SLC25A48: variants seen among roughly 807,000 people sequenced by gnomAD.
SLC25A48 encodes the protein CTC-321K16.1.
SLC25A48 carries 29 observed loss-of-function variants against 32.2 expected under a neutral mutation model. That is an observed-to-expected ratio of 0.90 (90% CI 0.67 to 1.23). The LOEUF (loss-of-function observed/expected upper bound fraction) is 1.23. Among genes scored for constraint, SLC25A48 ranks in the 50% most tolerant of loss-of-function variants. The pLI is 0.00. For missense variants in SLC25A48, 399 were observed against 422.7 expected, an observed-to-expected ratio of 0.94 and a Z score of 0.49; for synonymous variants, 164 against 172.3, an observed-to-expected ratio of 0.95 and a Z score of 0.38.
At chr5:135,854,157 T>G (rs1760123402) in intron 4 of SLC25A48, among the ~76,000 whole-genome samples, 2 of 152,336 alleles carry the variant, frequency 1.3e-5, no homozygotes, top group Non-Finnish European at 1.5e-5. Context: ...GTTCCTTTTC[T>G]AGAACACACA....
At chr5:135,854,788 A>G (rs895337549) in intron 4 of SLC25A48, among the ~76,000 whole-genome samples, 2 of 152,216 alleles carry the variant, frequency 1.3e-5, no homozygotes, top group African/African-American at 4.8e-5. Context: ...CAACCTGGCT[A>G]ACTCTTGGGC....
intron 2 of SLC25A48, among the ~76,000 whole-genome samples, chr5:135,850,219 G>T (rs1460121311): frequency 6.6e-6 from 1 of 152,192 alleles, no homozygotes; most frequent in East Asian, 1.9e-4. Flanking sequence ...AGCAAAGCAG[G>T]CTTCTCTGCA....
chr5:135,594,217 G>C (rs1021432501), intron 1 of SLC25A48, among the ~76,000 whole-genome samples: 2 of 152,214 alleles, frequency 1.3e-5, no homozygotes, highest in Non-Finnish European at 2.9e-5. Flanking sequence ...TAAAGCTTTG[G>C]TGTTGGCTGG....
intron 3 of SLC25A48, among the ~76,000 whole-genome samples, chr5:135,636,703 G>A (rs1242079026): frequency 1.3e-5 from 2 of 152,200 alleles, no homozygotes; most frequent in Non-Finnish European, 2.9e-5. Flanking sequence ...CATAGTTCTT[G>A]TATTAGAAAC....
chr5:135,667,429 G>A (rs755221457), intron 3 of SLC25A48, among the ~76,000 whole-genome samples: 35 of 152,144 alleles, frequency 2.3e-4, no homozygotes, highest in Admixed American at 1.1e-3. Flanking sequence ...TTTCACCAGT[G>A]CTGCAACTCC....
intron 1 of SLC25A48, among the ~76,000 whole-genome samples, chr5:135,598,527 C>T (rs1751712470): frequency 6.6e-6 from 1 of 152,186 alleles, no homozygotes; most frequent in African/African-American, 2.4e-5. Context: ...GGGTTGCAGC[C>T]TGCAGGCTGG....
chr5:135,781,683 A>G (rs1359108011), intron 3 of SLC25A48, among the ~76,000 whole-genome samples: 1 of 116,662 alleles, frequency 8.6e-6, no homozygotes, highest in Non-Finnish European at 2.1e-5. Flanking sequence ...TATTGTTCCT[A>G]ATAGCCAGGG....
chr5:135,866,712 A>G (rs1007317393), intron 4 of SLC25A48, among the ~76,000 whole-genome samples: 3 of 152,250 alleles, frequency 2.0e-5, no homozygotes, highest in African/African-American at 7.2e-5. Flanking sequence ...AGAGCCAGAT[A>G]GCCATGGCCT....
chr5:135,626,240 A>C (rs1469124080), intron 1 of SLC25A48, among the ~76,000 whole-genome samples: 1 of 152,218 alleles, frequency 6.6e-6, no homozygotes, highest in Non-Finnish European at 1.5e-5. Context: ...TAAAGTGACA[A>C]ATTCCTGAGG....
intron 3 of SLC25A48, among the ~76,000 whole-genome samples, chr5:135,752,030 C>G (rs926903690): frequency 2.6e-5 from 4 of 152,048 alleles, no homozygotes; most frequent in African/African-American, 9.7e-5. Flanking sequence ...AAATTTACTC[C>G]AAATGGATCA....
At chr5:135,696,769 C>T (rs1310013396) in intron 3 of SLC25A48, among the ~76,000 whole-genome samples, 1 of 152,180 alleles carries the variant, frequency 6.6e-6, no homozygotes, top group Non-Finnish European at 1.5e-5. Flanking sequence ...TCAGGGCTAG[C>T]CTGGGTCTTC....
At chr5:135,759,786 C>T (rs941100599) in intron 3 of SLC25A48, among the ~76,000 whole-genome samples, 1 of 151,172 alleles carries the variant, frequency 6.6e-6, no homozygotes, top group African/African-American at 2.4e-5. Flanking sequence ...GAAGAAGCTG[C>T]GGGATTGAAG....
intron 1 of SLC25A48, among the ~76,000 whole-genome samples, chr5:135,581,871 G>A (rs1039235454): frequency 2.6e-5 from 4 of 151,622 alleles, no homozygotes; most frequent in Non-Finnish European, 4.4e-5. Flanking sequence ...GCCTAACTGG[G>A]TGAGGGAGGG....
chr5:135,589,343 G>A (rs1751452936), intron 1 of SLC25A48, among the ~76,000 whole-genome samples: 1 of 152,170 alleles, frequency 6.6e-6, no homozygotes, highest in Non-Finnish European at 1.5e-5. Context: ...TCAACCACAT[G>A]CTCCCATAGT....
intron 3 of SLC25A48, among the ~76,000 whole-genome samples, chr5:135,753,404 G>A (rs1025424539): frequency 6.6e-6 from 1 of 151,992 alleles, no homozygotes. Flanking sequence ...CACACAGAGC[G>A]CAAACCCATG....
intron 4 of SLC25A48, among the ~76,000 whole-genome samples, chr5:135,813,265 G>A (rs1016828953): frequency 6.6e-6 from 1 of 152,228 alleles, no homozygotes; most frequent in Admixed American, 6.5e-5. Flanking sequence ...ATGGGATGAA[G>A]TCAGAATTTT....
At chr5:135,848,446 G>A (rs1201933521) in intron 2 of SLC25A48, among the ~76,000 whole-genome samples, 5 of 152,166 alleles carry the variant, frequency 3.3e-5, no homozygotes, top group African/African-American at 4.8e-5. Flanking sequence ...CTGTGGTTCT[G>A]CTTAACAAGA....
In SLC25A48 at chr5:135,638,751, C is replaced by G. The variant is rs980134441; in HGVS notation, c.-521+3795C>G. On this transcript the variant is annotated intron_variant, in intron 3 of 10. Coordinates refer to the SLC25A48 transcript ENST00000646290. ...GATACCAAATATAACGTCTTATGAT[C>G]AATTGGCCTCAGATTTAATGAAAAC... 5.3e-5 allele frequency among the ~76,000 whole-genome samples: 8 copies of G among 152,158 alleles called. No individual in the cohort carries two copies. The South Asian group carries it at 6.2e-4, about 12-fold the overall frequency.
At chr5:135,581,124 A>G (rs371181202) in intron 1 of SLC25A48, among the ~76,000 whole-genome samples, 2 of 152,258 alleles carry the variant, frequency 1.3e-5, no homozygotes, top group Non-Finnish European at 2.9e-5. Flanking sequence ...ATTAAATGAG[A>G]TAGTGCATGT....
Sources: gnomAD v4.1 joint callset for allele counts (sites outside exome capture counted in the v4.1 genomes callset) on GRCh38, gnomAD v4.1.1 for gene constraint, MANE v1.5 for transcripts, NCBI Gene and HGNC (gene_info 2026-07-23, HGNC 2026-07-21) for gene names.